Variants in STON2 observed in about 807,000 individuals in gnomAD.
STON2 encodes the protein stonin-2.
In STON2, 29 loss-of-function variants were observed where a neutral mutation model predicts 65.7. That is an observed-to-expected ratio of 0.44 (90% CI 0.33 to 0.60). The LOEUF (loss-of-function observed/expected upper bound fraction) is 0.60, where lower values mean the gene tolerates loss of function less well. Ranked by LOEUF, STON2 falls within the 20% of genes least tolerant of loss-of-function variation. The probability of loss-of-function intolerance (pLI) is 0.03; values close to 1 mark genes in which losing one functional copy is unlikely to be tolerated. For missense variants in STON2, 1,054 were observed against 1,118.1 expected (o/e 0.94, Z 0.82); for synonymous variants, 404 against 414.2 (o/e 0.98, Z 0.30).
chr14:81,352,774 T>C (rs999601218), intron 4 of STON2, among the ~76,000 whole-genome samples: 4 of 152,212 alleles, frequency 2.6e-5, no homozygotes, highest in Non-Finnish European at 5.9e-5. Flanking sequence ...ACATTAGCCA[T>C]TCTGAAAGGG....
chr14:81,366,408 C>G (rs1450757285), intron 4 of STON2, among the ~76,000 whole-genome samples: 1 of 152,136 alleles, frequency 6.6e-6, no homozygotes. Context: ...TAATCCCTCT[C>G]CAAACAAGAG....
intron 5 of STON2, among the ~76,000 whole-genome samples, chr14:81,280,476 A>T (rs1895060222): frequency 6.6e-6 from 1 of 152,130 alleles, no homozygotes; most frequent in South Asian, 2.1e-4. Flanking sequence ...CTCTGCTACC[A>T]TCCTACCCAC....
chr14:81,341,963 T>C (rs1897629410), intron 4 of STON2, among the ~76,000 whole-genome samples: 1 of 152,152 alleles, frequency 6.6e-6, no homozygotes, highest in South Asian at 2.1e-4. Flanking sequence ...ACAGATCCTG[T>C]CTACAGCATC....
At chr14:81,436,069 C>T (rs1260909753) in intron 1 of STON2, 1 of 152,262 alleles carries the variant, frequency 6.6e-6, no homozygotes, top group Non-Finnish European at 1.5e-5. Context: ...CGCAGGAGTC[C>T]TCCTCCACCC....
At chr14:81,348,986 G>A (rs1897922245) in intron 4 of STON2, among the ~76,000 whole-genome samples, 1 of 152,072 alleles carries the variant, frequency 6.6e-6, no homozygotes, top group Admixed American at 6.6e-5. Context: ...AACATATATT[G>A]GGGAAAGGAC....
intron 3 of STON2, among the ~76,000 whole-genome samples, chr14:81,385,916 G>C (rs914789308): frequency 1.3e-5 from 2 of 152,226 alleles, no homozygotes; most frequent in Non-Finnish European, 2.9e-5. Context: ...AAAAGCTAGA[G>C]AGTGGAGGTG....
At chr14:81,402,688 T>C (rs1900665410), upstream of STON2, among the ~76,000 whole-genome samples, 2 of 152,126 alleles carry the variant, frequency 1.3e-5, no homozygotes, top group Non-Finnish European at 2.9e-5. Context: ...CAGAACGAGT[T>C]TGAGCTCTGG....
Position 81,261,652 on chromosome 14 carries a change from T to A in STON2, c.*6762A>T, listed in dbSNP as rs922727563. The A allele has an allele frequency of 2.3e-6, 2 of 854,860 alleles. No individual in the cohort carries two copies. Among genetic ancestry groups the A allele is most frequent in the African/African-American group, 3.5e-5 (2 of 57,480 alleles). 53.0% of individuals were successfully genotyped at this position (854,860 alleles called of 1,614,324 possible). On this transcript the variant is annotated 3_prime_UTR_variant, in exon 8 of 8. Coordinates refer to ENST00000614646, the MANE Select transcript of STON2 (RefSeq NM_001394390.1). ...AATTTTCACAATATTTTATACAAAA[T>A]GACAAATATATATATACCTCATTGA...
intron 4 of STON2, among the ~76,000 whole-genome samples, chr14:81,353,481 T>C (rs186806078): frequency 2.0e-5 from 3 of 151,802 alleles, no homozygotes; most frequent in East Asian, 1.9e-4. Flanking sequence ...ACCCCACAAA[T>C]TGGAAAAAAT....
intron 5 of STON2, among the ~76,000 whole-genome samples, chr14:81,313,862 A>G (rs987996735): frequency 9.9e-5 from 15 of 151,922 alleles, no homozygotes; most frequent in African/African-American, 3.6e-4. Context: ...ATCATTCATT[A>G]CAAAGTGTGG....
intron 1 of STON2, chr14:81,436,265 G>C (rs1228352959): frequency 1.3e-5 from 2 of 151,532 alleles, no homozygotes; most frequent in South Asian, 3.8e-4. Flanking sequence ...CTCCACCTGC[G>C]GGGCCCCTCT....
At chr14:81,433,507 T>A (rs1284787113) in intron 1 of STON2, among the ~76,000 whole-genome samples, 4 of 152,192 alleles carry the variant, frequency 2.6e-5, no homozygotes, top group African/African-American at 7.2e-5. Context: ...CCTGATCTTG[T>A]TTCCTTCAGC....
intron 3 of STON2, among the ~76,000 whole-genome samples, chr14:81,373,455 T>C (rs150696607): frequency 2.6e-4 from 39 of 152,344 alleles, no homozygotes; most frequent in African/African-American, 8.4e-4. Flanking sequence ...GTGGTTAAGA[T>C]ACTTTAAACT....
At chr14:81,349,649 A>G (rs1319694413) in intron 4 of STON2, among the ~76,000 whole-genome samples, 1 of 152,180 alleles carries the variant, frequency 6.6e-6, no homozygotes. Context: ...TAGTACAGCC[A>G]TTATAGAAAA....
Position 81,408,157 on chromosome 14 carries a change from A to ACG in STON2, c.-198-9579_-198-9578dup, listed in dbSNP as rs35458066. 9.6e-4 allele frequency among the ~76,000 whole-genome samples: 145 copies of ACG among 150,518 alleles called. 3 individuals carry two copies. The highest frequency in any genetic ancestry group is 5.3e-4 in the Non-Finnish European group (36 of 67,888). ...GAAGAACACACACACACACACACAC[A>ACG]CGCGCACACACACACACATTAATTA... On this transcript the variant is annotated intron_variant, in intron 2 of 8. Transcript: ENST00000553821.
At chr14:81,393,272 A>ATGAATATAATCCAT (rs1225370244) in intron 3 of STON2, among the ~76,000 whole-genome samples, 1 of 152,252 alleles carries the variant, frequency 6.6e-6, no homozygotes, top group Non-Finnish European at 1.5e-5. Flanking sequence ...TCTGAATGGC[A>ATGAATATAATCCAT]TGAATATAAT....
At chr14:81,434,263 C>G (rs1269693154) in intron 1 of STON2, among the ~76,000 whole-genome samples, 6 of 152,222 alleles carry the variant, frequency 3.9e-5, no homozygotes, top group African/African-American at 1.4e-4. Context: ...TTCCCAGAAT[C>G]AGTCACAGTC....
intron 5 of STON2, among the ~76,000 whole-genome samples, chr14:81,302,937 C>T (rs150079209): frequency 6.6e-6 from 1 of 152,262 alleles, no homozygotes; most frequent in African/African-American, 2.4e-5. Flanking sequence ...AAGGCACTGC[C>T]ATCTATAGTT....
intron 3 of STON2, among the ~76,000 whole-genome samples, chr14:81,380,534 G>A (rs1899463832): frequency 6.6e-6 from 1 of 152,108 alleles, no homozygotes; most frequent in Non-Finnish European, 1.5e-5. Context: ...TATGTTCCTT[G>A]CAGCACTATT....
Sources: gnomAD v4.1 joint callset for allele counts (sites outside exome capture counted in the v4.1 genomes callset) on GRCh38, gnomAD v4.1.1 for gene constraint, MANE v1.5 for transcripts, NCBI Gene and HGNC (gene_info 2026-07-23, HGNC 2026-07-21) for gene names.